Variants in CDH7 observed in about 807,000 individuals in gnomAD.
The protein encoded by CDH7 is cadherin 7.
A neutral mutation model predicts 71.8 loss-of-function variants in CDH7; 25 were observed. The observed-to-expected ratio is 0.35, with a 90% CI of 0.25 to 0.49. The LOEUF (loss-of-function observed/expected upper bound fraction) is 0.49, where lower values mean the gene tolerates loss of function less well. CDH7 is among the 20% of genes least tolerant of loss of function. The pLI, the probability that CDH7 is intolerant of heterozygous loss-of-function variation, is 0.99. For synonymous variants in CDH7, 381 were observed against 363.8 expected (o/e 1.05, Z -0.54); for missense variants, 862 against 974.6 (o/e 0.88, Z 1.54).
intron 6 of CDH7, among the ~76,000 whole-genome samples, chr18:65,831,813 A>AG (rs1278118906): frequency 2.0e-5 from 3 of 151,542 alleles, no homozygotes; most frequent in East Asian, 1.9e-4. Context: ...TCTGAAGAAA[A>AG]AAAAAAAAGA....
intron 5 of CDH7, 37 bp from the exon 6 acceptor site, chr18:65,824,607 G>A: frequency 7.2e-7 from 1 of 1,396,460 alleles, no homozygotes; most frequent in Non-Finnish European, 9.7e-7. Flanking sequence ...TGGTTAGTTT[G>A]GTGTAACGTG....
At chr18:65,782,824 A>G (rs1910363009) in intron 2 of CDH7, among the ~76,000 whole-genome samples, 1 of 152,174 alleles carries the variant, frequency 6.6e-6, no homozygotes, top group African/African-American at 2.4e-5. Context: ...TTTAACATAC[A>G]TGTTTCTTCC....
intron 3 of CDH7, among the ~76,000 whole-genome samples, chr18:65,812,434 T>A (rs7238385): frequency 0.22 from 34,165 of 152,198 alleles, 4,111 homozygotes; most frequent in Non-Finnish European, 0.27. Flanking sequence ...CTAAACTACA[T>A]AACATACGTT....
intron 1 of CDH7, among the ~76,000 whole-genome samples, chr18:65,758,426 C>T (rs749039480): frequency 3.3e-5 from 5 of 152,202 alleles, no homozygotes; most frequent in Non-Finnish European, 7.3e-5. Context: ...CTATAGAGGG[C>T]ATATGTTCCT....
chr18:65,763,592 GGGGTGTGT>G (rs201281333), intron 2 of CDH7, among the ~76,000 whole-genome samples: 45,199 of 130,886 alleles, frequency 0.35, 6,896 homozygotes, highest in Middle Eastern at 0.47. Flanking sequence ...TTTTGATAGG[GGGGTGTGT>G]GTGTGTGTGT....
At chr18:65,757,036 G>A (rs1916048967) in intron 1 of CDH7, among the ~76,000 whole-genome samples, 1 of 140,840 alleles carries the variant, frequency 7.1e-6, no homozygotes, top group African/African-American at 2.8e-5. Flanking sequence ...ATATGCTAAT[G>A]CATAACAGTT....
chr18:65,790,534 G>A (rs1283009905), intron 2 of CDH7, among the ~76,000 whole-genome samples: 1 of 152,152 alleles, frequency 6.6e-6, no homozygotes. Flanking sequence ...TTTAAAAAAT[G>A]CTACATTAAG....
rs1914469162 is a variant in CDH7 at position 65,890,285 on chromosome 18, A to G, written c.*9391A>G. 6.6e-6 allele frequency: 1 copy of G among 152,222 alleles called. No homozygotes were observed. The highest frequency in any genetic ancestry group is 1.5e-5 in the Non-Finnish European group (1 of 68,040). The allele number at this position is 152,222 out of a possible 1,614,324, so 9.4% of individuals were successfully genotyped here. On this transcript the variant is annotated 3_prime_UTR_variant, in exon 12 of 12. Coordinates refer to ENST00000397968, the MANE Select transcript of CDH7 (RefSeq NM_004361.5). ...ACTCATCAAAATGTGTGGCACACCT[A>G]TGAAAAGTGATCAGGATGCCCAAGC...
rs758074357 is a variant in CDH7, at chr18:65,760,577, C to CT, written c.-196-2067dup. ...GGAGCCAAAGTGTTTATGTCATTGTCTTTAAGAGAGAATTCATTCTCTTGA... is the reference window on the plus strand; with the variant it reads ...GGAGCCAAAGTGTTTATGTCATTGTCTTTTAAGAGAGAATTCATTCTCTTGA... On this transcript the variant is annotated intron_variant, in intron 1 of 11. Transcript: ENST00000397968. 1.6e-4 allele frequency among the ~76,000 whole-genome samples: 25 copies of CT among 152,244 alleles called. No homozygotes were observed. The Middle Eastern group carries it at 0.01, about 62-fold the overall frequency.
At chr18:65,785,320 G>A (rs931723526) in intron 2 of CDH7, among the ~76,000 whole-genome samples, 1 of 151,954 alleles carries the variant, frequency 6.6e-6, no homozygotes, top group African/African-American at 2.4e-5. Flanking sequence ...CATGAAAATG[G>A]TATCATTTTA....
At chr18:65,835,547 T>C (rs924578059) in intron 6 of CDH7, among the ~76,000 whole-genome samples, 1 of 152,178 alleles carries the variant, frequency 6.6e-6, no homozygotes, top group African/African-American at 2.4e-5. Context: ...GGAAAACATA[T>C]GCTAAGTTGT....
chr18:65,761,737 T>G (rs961860536), intron 1 of CDH7, among the ~76,000 whole-genome samples: 2 of 152,196 alleles, frequency 1.3e-5, no homozygotes, highest in African/African-American at 4.8e-5. Flanking sequence ...ATTTTATATC[T>G]CTTGCATAAT....
In CDH7 at chr18:65,781,842, CTTTCTTTCTTTCTTTCTT is replaced by C. The variant is rs1377398797; in HGVS notation, c.210+18792_210+18809del. Reference sequence around the variant, plus strand: ...TCCTTCTTTCTTTCTTTCTTTCTTTCTTTCTTTCTTTCTTTCTTTCTTTCTCTCTCTCTCTCTGTCTCT... The same window carrying C: ...TCCTTCTTTCTTTCTTTCTTTCTTTCTCTTTCTCTCTCTCTCTCTGTCTCT... On this transcript the variant is annotated intron_variant, in intron 2 of 11. Coordinates refer to ENST00000397968, the MANE Select transcript of CDH7 (RefSeq NM_004361.5). 8.5e-3 allele frequency among the ~76,000 whole-genome samples: 825 copies of C among 96,650 alleles called. 57 individuals are homozygous for C. Among genetic ancestry groups the C allele is most frequent in the African/African-American group, 0.048 (778 of 16,120 alleles). 63.4% of individuals were successfully genotyped at this position (96,650 alleles called of 152,430 possible). A position where few individuals can be genotyped will look rare whatever the true frequency, so the allele number is the denominator to read the frequency against.
At chr18:65,760,843 C>G (rs1297820081) in intron 1 of CDH7, among the ~76,000 whole-genome samples, 1 of 152,160 alleles carries the variant, frequency 6.6e-6, no homozygotes, top group Non-Finnish European at 1.5e-5. Flanking sequence ...TGCACCATGT[C>G]CAGATCAAGT....
intron 10 of CDH7, 142 bp downstream of exon 10, chr18:65,859,967 T>G (rs1913505815): frequency 3.5e-6 from 2 of 568,040 alleles, no homozygotes; most frequent in African/African-American, 1.9e-5. Flanking sequence ...CAAGTAATTT[T>G]TATCTATGGA....
intron 2 of CDH7, among the ~76,000 whole-genome samples, chr18:65,767,821 A>G (rs747627526): frequency 6.6e-6 from 1 of 152,250 alleles, no homozygotes; most frequent in African/African-American, 2.4e-5. Context: ...TAATACTGCA[A>G]TAAGCAAATA....
At chr18:65,782,397 A>T (rs1024065926) in intron 2 of CDH7, among the ~76,000 whole-genome samples, 2 of 152,004 alleles carry the variant, frequency 1.3e-5, no homozygotes, top group Non-Finnish European at 2.9e-5. Context: ...ACTTCAAGTG[A>T]TCCACCTGCC....
chr18:65,853,906 CATATATATATATAT>C (rs4047846), intron 7 of CDH7, among the ~76,000 whole-genome samples: 604 of 34,166 alleles, frequency 0.018, 9 homozygotes, highest in African/African-American at 0.04. Flanking sequence ...CATAAATTAC[CATATATATATATAT>C]ATATATATAT....
intron 2 of CDH7, among the ~76,000 whole-genome samples, chr18:65,777,744 A>T (rs1166468243): frequency 1.3e-5 from 2 of 152,180 alleles, no homozygotes; most frequent in African/African-American, 4.8e-5. Flanking sequence ...AGTATATAAG[A>T]ATATGGCCAT....
Sources: gnomAD v4.1 joint callset for allele counts (sites outside exome capture counted in the v4.1 genomes callset) on GRCh38, gnomAD v4.1.1 for gene constraint, MANE v1.5 for transcripts, NCBI Gene and HGNC (gene_info 2026-07-23, HGNC 2026-07-21) for gene names.